The following LRRC37B variants were observed in gnomAD, a reference collection of about 807,000 sequenced individuals.
The protein encoded by LRRC37B is leucine-rich repeat-containing protein 37B.
Under a neutral mutation model 98.3 loss-of-function variants are expected in LRRC37B, and 28 were observed. The observed-to-expected ratio is 0.28, with a 90% CI of 0.21 to 0.39. The LOEUF (loss-of-function observed/expected upper bound fraction) is 0.39. Among genes scored for constraint, LRRC37B ranks in the 10% least tolerant of loss-of-function variants. The pLI, the probability that LRRC37B is intolerant of heterozygous loss-of-function variation, is 1.00. For synonymous variants in LRRC37B, 364 were observed against 442.7 expected, an observed-to-expected ratio of 0.82 and a Z score of 2.23; for missense variants, 938 against 1,182.7, an observed-to-expected ratio of 0.79 and a Z score of 3.03.
At chr17:32,007,977 A>AG (rs963408586), upstream of LRRC37B, 3 of 510,510 alleles carry the variant, frequency 5.9e-6, no homozygotes, top group Non-Finnish European at 1.0e-5. This position sits in a 1 kb window ranked among gnomAD's most constrained non-coding sequence, Gnocchi z 4.1. Flanking sequence ...GAGTAAGAGG[A>AG]GGGGGGCGGC....
At chr17:32,012,023 T>G (rs1200835744) in intron 1 of LRRC37B, among the ~76,000 whole-genome samples, 1 of 152,048 alleles carries the variant, frequency 6.6e-6, no homozygotes, top group Non-Finnish European at 1.5e-5. Flanking sequence ...CTTGGTATGA[T>G]GAATTAAAAA....
At chr17:32,035,674 G>A (rs1470672077) in intron 7 of LRRC37B, 35 bp downstream of exon 10, 33 of 1,571,860 alleles carry the variant, frequency 2.1e-5, no homozygotes, top group Non-Finnish European at 2.7e-5. Flanking sequence ...TTTTTACTTA[G>A]TTGGTTTTTT....
chr17:32,011,623 G>T (rs1160659807), intron 1 of LRRC37B, among the ~76,000 whole-genome samples: 1 of 151,654 alleles, frequency 6.6e-6, no homozygotes. Context: ...TCAGCCTCCC[G>T]AGTAGCTGGG....
At chr17:32,019,374 A>G (rs1910714388), upstream of LRRC37B, among the ~76,000 whole-genome samples, 2 of 152,214 alleles carry the variant, frequency 1.3e-5, no homozygotes, top group Admixed American at 1.3e-4. Context: ...CGCATAGCCT[A>G]GGTATGCTGT....
exon 1 of LRRC37B, chr17:32,008,041 G>A: frequency 1.9e-6 from 1 of 516,048 alleles, no homozygotes; most frequent in Non-Finnish European, 3.7e-6. Context: ...ACATGGAGGA[G>A]GACGACGATG....
At chr17:32,050,294 A>G (rs1288540307) in intron 11 of LRRC37B, 187 bp downstream of exon 14, 1 of 515,410 alleles carries the variant, frequency 1.9e-6, no homozygotes, top group Non-Finnish European at 3.6e-6. Flanking sequence ...CCTCGCTTCC[A>G]GGAGGTCTCT....
At chr17:32,021,355 G>C in exon 1 of LRRC37B, 1 of 1,614,000 alleles carries the variant, frequency 6.2e-7, no homozygotes, top group East Asian at 2.2e-5. Flanking sequence ...GCAGCCCCGG[G>C]GGACTTTGAT....
chr17:32,015,841 A>G (rs1451726726), intron 1 of LRRC37B, among the ~76,000 whole-genome samples: 5 of 152,208 alleles, frequency 3.3e-5, no homozygotes, highest in Non-Finnish European at 5.9e-5. Context: ...ATTGCCTGTA[A>G]TATAATCGTG....
At chr17:32,024,669 T>G (rs1388196345) in intron 1 of LRRC37B, 42 bp from the exon 5 acceptor site, 1 of 1,605,962 alleles carries the variant, frequency 6.2e-7, no homozygotes, top group Non-Finnish European at 8.5e-7. Flanking sequence ...CTGTTCATTC[T>G]TTGCGTGCCT....
intron 8 of LRRC37B, chr17:32,047,241 G>C (rs1382498042): frequency 5.8e-6 from 1 of 173,776 alleles, no homozygotes; most frequent in East Asian, 1.4e-4. Flanking sequence ...TCAGCAATGG[G>C]AGGGGGCATC....
At chr17:32,035,054 T>G in intron 6 of LRRC37B, 73 bp downstream of exon 9, 1 of 1,155,324 alleles carries the variant, frequency 8.7e-7, no homozygotes, top group South Asian at 1.4e-5. Flanking sequence ...AGATAAAGTA[T>G]TTTGCATTTA....
At chr17:32,012,699 G>A (rs1182793943) in intron 1 of LRRC37B, among the ~76,000 whole-genome samples, 1 of 150,732 alleles carries the variant, frequency 6.6e-6, no homozygotes, top group Non-Finnish European at 1.5e-5. Context: ...CTGGGAAGCA[G>A]AGCAAGACTC....
chr17:32,039,504 ATATATATATATATATATATGTATG>A (rs1567617751), intron 7 of LRRC37B, among the ~76,000 whole-genome samples: 1 of 63,728 alleles, frequency 1.6e-5, no homozygotes, highest in Non-Finnish European at 2.8e-5. Context: ...ATATATATAT[ATATATATATATATATATATGTATG>A]TATTTTTATA....
intron 2 of LRRC37B, among the ~76,000 whole-genome samples, chr17:32,026,593 T>A (rs1910959823): frequency 6.6e-6 from 1 of 152,208 alleles, no homozygotes. Context: ...CATGCCCAGC[T>A]AATTTTTCTA....
chr17:32,012,986 T>C (rs1910569862), intron 1 of LRRC37B, among the ~76,000 whole-genome samples: 1 of 152,156 alleles, frequency 6.6e-6, no homozygotes. Context: ...CACTGCACTC[T>C]AGCCTGGGTA....
chr17:32,028,018 T>C (rs1911016563), intron 3 of LRRC37B, among the ~76,000 whole-genome samples, 178 bp downstream of exon 6: 1 of 130,730 alleles, frequency 7.6e-6, no homozygotes, highest in African/African-American at 2.9e-5. Context: ...TTTTCAGTTT[T>C]TAAATTGTAT....
chr17:32,014,732 A>G (rs1360195738), intron 1 of LRRC37B, among the ~76,000 whole-genome samples: 3 of 150,816 alleles, frequency 2.0e-5, no homozygotes, highest in South Asian at 4.1e-4. Context: ...ATAGATACAT[A>G]TATCTATATA....
At chr17:32,024,310 A>G (rs1357997333) in intron 1 of LRRC37B, among the ~76,000 whole-genome samples, 2 of 152,240 alleles carry the variant, frequency 1.3e-5, no homozygotes, top group South Asian at 2.1e-4. Context: ...GTTGCCTGGC[A>G]TGGGGTTTCT....
intron 3 of LRRC37B, chr17:32,028,949 C>A (rs1215731538): frequency 6.6e-6 from 1 of 151,666 alleles, no homozygotes; most frequent in Admixed American, 6.6e-5. Context: ...TTAAAATAAT[C>A]ATTTTCCTAC....
Sources: allele counts gnomAD v4.1 joint callset (sites outside exome capture counted in the v4.1 genomes callset), GRCh38; gene constraint gnomAD v4.1.1; non-coding constraint Gnocchi (gnomAD v3.1); transcripts MANE v1.5; gene names NCBI Gene and HGNC (gene_info 2026-07-23, HGNC 2026-07-21).